The following VWC2 variants were observed in gnomAD, a reference collection of about 807,000 sequenced individuals.
The protein encoded by VWC2 is von Willebrand factor C domain containing 2.
Under a neutral mutation model 29.8 loss-of-function variants are expected in VWC2, and 14 were observed. The ratio of observed to expected loss-of-function variants is 0.47; its 90% CI spans 0.31 to 0.74. The LOEUF (loss-of-function observed/expected upper bound fraction) is 0.74. Ranked by LOEUF, VWC2 falls within the 30% of genes least tolerant of loss-of-function variation. The pLI is 0.05. For synonymous variants in VWC2, 213 were observed against 199.0 expected, an observed-to-expected ratio of 1.07 and a Z score of -0.59; for missense variants, 457 against 459.8, an observed-to-expected ratio of 0.99 and a Z score of 0.05.
chr7:49,804,157 A>G (rs1788814227), intron 3 of VWC2, among the ~76,000 whole-genome samples: 1 of 150,910 alleles, frequency 6.6e-6, no homozygotes, highest in African/African-American at 2.4e-5. Flanking sequence ...TTGAGCATGG[A>G]GTGTGTTTTT....
At chr7:49,797,457 T>C (rs1264084294) in intron 2 of VWC2, among the ~76,000 whole-genome samples, 1 of 152,182 alleles carries the variant, frequency 6.6e-6, no homozygotes, top group Non-Finnish European at 1.5e-5. Context: ...TGCTTCAGGT[T>C]TGAGGGTGTA....
intron 3 of VWC2, among the ~76,000 whole-genome samples, chr7:49,831,005 G>A (rs144412574): frequency 1.3e-3 from 191 of 152,198 alleles, no homozygotes; most frequent in African/African-American, 4.5e-3. Flanking sequence ...ATACCTTCTG[G>A]AAAGTTTGTT....
intron 2 of VWC2, among the ~76,000 whole-genome samples, chr7:49,797,317 T>C (rs1445098368): frequency 6.6e-6 from 1 of 152,192 alleles, no homozygotes; most frequent in African/African-American, 2.4e-5. Context: ...TGGAAAATTG[T>C]TCTGGGGTTT....
At chr7:49,835,431 C>G (rs1410496938) in intron 3 of VWC2, among the ~76,000 whole-genome samples, 2 of 152,060 alleles carry the variant, frequency 1.3e-5, no homozygotes, top group African/African-American at 4.8e-5. Context: ...CTGGGATGAC[C>G]AGGGTCAGTA....
intron 3 of VWC2, among the ~76,000 whole-genome samples, chr7:49,830,476 T>A (rs1272439893): frequency 6.6e-6 from 1 of 152,224 alleles, no homozygotes; most frequent in African/African-American, 2.4e-5. Flanking sequence ...GATGGTAATT[T>A]TCCTGGGCTA....
intron 3 of VWC2, among the ~76,000 whole-genome samples, chr7:49,880,473 T>C (rs1394274111): frequency 2.0e-5 from 3 of 151,990 alleles, no homozygotes; most frequent in African/African-American, 7.2e-5. Context: ...GAAGATTTTT[T>C]ATTATGGATT....
chr7:49,912,094 A>G lies in VWC2; in HGVS notation c.887A>G (p.Glu296Gly). 1 of 1,614,166 alleles carries G rather than the reference A, an allele frequency of 6.2e-7. No homozygotes were observed. Among genetic ancestry groups the G allele is most frequent in the South Asian group, 1.1e-5 (1 of 91,080 alleles). Residue 296 changes from glutamate (E) to glycine (G), a missense_variant, in exon 4 of 4, where the codon GAG (glutamate) becomes GGG (glycine). Around this residue, in one of 2 missense-constraint regions of VWC2, gnomAD observed 185 missense variants for 257.1 expected, o/e 0.72. Coordinates refer to ENST00000340652, the MANE Select transcript of VWC2 (RefSeq NM_198570.5). The stretch of plus-strand genomic sequence containing the variant: ...GCTGGCAGAGAAGTGAAGACTGACG[A>G]GTGCACCATATGCCACTGTACTTAT... ...IPAGREVKTD[E>G]CTICHCTYEE...
Position 49,915,783 on chromosome 7 carries a change from T to C in VWC2, c.*3598T>C, listed in dbSNP as rs1433039205. On this transcript the variant is annotated 3_prime_UTR_variant, in exon 4 of 4. Transcript: ENST00000340652. Reference sequence around the variant, plus strand: ...ATCAATCCTACTTTTCATTGTTATTTTTAATATCATATTTTTCCCCAACAT... The same window carrying C: ...ATCAATCCTACTTTTCATTGTTATTCTTAATATCATATTTTTCCCCAACAT... 1 of 152,210 alleles carries C rather than the reference T, an allele frequency of 6.6e-6. No individual in the cohort carries two copies. Among genetic ancestry groups the C allele is most frequent in the African/African-American group, 2.4e-5 (1 of 41,450 alleles). 9.4% of individuals were successfully genotyped at this position (152,210 alleles called of 1,614,324 possible). A position where few individuals can be genotyped will look rare whatever the true frequency, so the allele number is the denominator to read the frequency against.
chr7:49,836,694 T>A (rs1789672880), intron 3 of VWC2, among the ~76,000 whole-genome samples: 2 of 151,738 alleles, frequency 1.3e-5, no homozygotes, highest in Non-Finnish European at 2.9e-5. Context: ...AAAAAATCTA[T>A]ACCTAGGTGT....
At chr7:49,853,232 G>A (rs1790269690) in intron 3 of VWC2, among the ~76,000 whole-genome samples, 1 of 152,274 alleles carries the variant, frequency 6.6e-6, no homozygotes, top group Admixed American at 6.5e-5. Flanking sequence ...GCCGTGTGGA[G>A]TGGGCATGTT....
chr7:49,844,694 T>C (rs1211762558), intron 3 of VWC2, among the ~76,000 whole-genome samples: 1 of 152,154 alleles, frequency 6.6e-6, no homozygotes, highest in African/African-American at 2.4e-5. Flanking sequence ...TTTTTATTTT[T>C]ATTTTTATTT....
chr7:49,842,732 T>C (rs557477300), intron 3 of VWC2, among the ~76,000 whole-genome samples: 105 of 152,214 alleles, frequency 6.9e-4, no homozygotes, highest in Non-Finnish European at 1.4e-3. Flanking sequence ...TCCCTGGAGA[T>C]GCTGAAATAG....
chr7:49,880,099 T>C (rs1791603237), intron 3 of VWC2, among the ~76,000 whole-genome samples: 1 of 152,356 alleles, frequency 6.6e-6, no homozygotes, highest in African/African-American at 2.4e-5. Context: ...TAACTCCCGT[T>C]AGATTTTGAC....
chr7:49,814,994 T>C (rs995163300), intron 3 of VWC2, among the ~76,000 whole-genome samples: 9 of 152,226 alleles, frequency 5.9e-5, no homozygotes, highest in Non-Finnish European at 1.2e-4. Flanking sequence ...ATACTGAGTG[T>C]AGGAATTGTA....
chr7:49,815,754 A>G (rs1789127457), intron 3 of VWC2, among the ~76,000 whole-genome samples: 1 of 152,200 alleles, frequency 6.6e-6, no homozygotes, highest in African/African-American at 2.4e-5. Flanking sequence ...CCTTTTGGGT[A>G]CCTGTAACTT....
chr7:49,908,196 C>G (rs758816634), intron 3 of VWC2, among the ~76,000 whole-genome samples: 3 of 152,130 alleles, frequency 2.0e-5, no homozygotes, highest in African/African-American at 7.2e-5. Flanking sequence ...GTTTTAAGAT[C>G]TCTATTTTAA....
intron 3 of VWC2, among the ~76,000 whole-genome samples, chr7:49,899,201 T>C (rs1453990398): frequency 6.6e-6 from 1 of 152,040 alleles, no homozygotes; most frequent in Non-Finnish European, 1.5e-5. Flanking sequence ...ATACATACTA[T>C]GTTTTTCCCT....
intron 3 of VWC2, among the ~76,000 whole-genome samples, chr7:49,888,401 A>G (rs1791988142): frequency 6.6e-6 from 1 of 152,264 alleles, no homozygotes; most frequent in Non-Finnish European, 1.5e-5. Context: ...GGTATGGTAT[A>G]GAGCTACAAA....
chr7:49,820,942 G>A (rs1312996031), intron 3 of VWC2, among the ~76,000 whole-genome samples: 1 of 152,208 alleles, frequency 6.6e-6, no homozygotes, highest in Non-Finnish European at 1.5e-5. Context: ...AGCGTGGTCA[G>A]GTAAGAGCTG....
Sources: gnomAD v4.1 joint callset for allele counts (sites outside exome capture counted in the v4.1 genomes callset) on GRCh38, gnomAD v4.1.1 for gene constraint, gnomAD v4.1.1 regional missense constraint, MANE v1.5 for transcripts, NCBI Gene and HGNC (gene_info 2026-07-23, HGNC 2026-07-21) for gene names.